Variants in SOX5 observed in about 807,000 individuals in gnomAD.
SOX5 encodes the protein SRY-box transcription factor 5.
A neutral mutation model predicts 92.0 loss-of-function variants in SOX5; 9 were observed. The observed-to-expected ratio is 0.10, with a 90% CI of 0.06 to 0.17. The LOEUF (loss-of-function observed/expected upper bound fraction) is 0.17, where lower values mean the gene tolerates loss of function less well. Ranked by LOEUF, SOX5 falls within the 10% of genes least tolerant of loss-of-function variation. SOX5 has a pLI of 1.00. For missense variants in SOX5, 642 were observed against 944.5 expected, an observed-to-expected ratio of 0.68 and a Z score of 4.20; for synonymous variants, 344 against 336.3, an observed-to-expected ratio of 1.02 and a Z score of -0.25.
intron 2 of SOX5, among the ~76,000 whole-genome samples, chr12:23,887,917 ATGTGTGTGTGTGTGTG>A (rs61356582): frequency 6.9e-6 from 1 of 144,664 alleles, no homozygotes; most frequent in Non-Finnish European, 1.5e-5. Flanking sequence ...CAGTGTGTAT[ATGTGTGTGTGTGTGTG>A]TGTGTGTGTG....
At chr12:24,484,147 T>C (rs974567660) in intron 1 of SOX5, among the ~76,000 whole-genome samples, 3 of 152,212 alleles carry the variant, frequency 2.0e-5, no homozygotes, top group Non-Finnish European at 4.4e-5. Context: ...CTTACCATAG[T>C]ACTCATTTAG....
chr12:23,980,062 C>T (rs1323719851), intron 4 of SOX5, among the ~76,000 whole-genome samples: 3 of 151,812 alleles, frequency 2.0e-5, no homozygotes, highest in South Asian at 2.1e-4. Flanking sequence ...CCTCCTGCCT[C>T]AGCTGGCCTC....
chr12:23,534,614 C>T, intron 14 of SOX5, 92 bp from the exon 15 acceptor site: 2 of 996,606 alleles, frequency 2.0e-6, no homozygotes, highest in South Asian at 1.7e-5. Context: ...CAGCAATGTC[C>T]AATTCTAAGG....
intron 6 of SOX5, among the ~76,000 whole-genome samples, chr12:23,730,291 A>C (rs1307781147): frequency 1.3e-5 from 2 of 152,220 alleles, no homozygotes; most frequent in African/African-American, 4.8e-5. Flanking sequence ...TTCATCTATT[A>C]ATATGCATTA....
chr12:24,243,540 T>C (rs907890597), intron 3 of SOX5, among the ~76,000 whole-genome samples: 3 of 152,150 alleles, frequency 2.0e-5, no homozygotes, highest in Non-Finnish European at 4.4e-5. Context: ...ATTTTAACCT[T>C]GTCCTATTCT....
At chr12:24,515,980 T>C (rs1194631526) in intron 1 of SOX5, among the ~76,000 whole-genome samples, 2 of 152,190 alleles carry the variant, frequency 1.3e-5, no homozygotes, top group East Asian at 1.9e-4. Context: ...CTTTACCTTA[T>C]AATTTGGAAC....
chr12:24,509,770 C>A (rs183224392), intron 1 of SOX5, among the ~76,000 whole-genome samples: 112 of 152,270 alleles, frequency 7.4e-4, no homozygotes, highest in Admixed American at 2.1e-3. Flanking sequence ...TTGGCCCAGC[C>A]AGTAACTAGA....
chr12:23,660,558 T>C (rs866277723), intron 7 of SOX5, among the ~76,000 whole-genome samples: 1 of 152,196 alleles, frequency 6.6e-6, no homozygotes, highest in Non-Finnish European at 1.5e-5. Context: ...TGAAATCATA[T>C]TGACAAAGGA....
chr12:24,183,005 C>T (rs575868492), intron 4 of SOX5, among the ~76,000 whole-genome samples: 23 of 152,270 alleles, frequency 1.5e-4, no homozygotes, highest in African/African-American at 5.1e-4. Context: ...TGAGCCACCA[C>T]GGCTGGCCCA....
intron 1 of SOX5, among the ~76,000 whole-genome samples, chr12:24,475,166 A>G (rs751675782): frequency 1.3e-5 from 2 of 152,088 alleles, no homozygotes; most frequent in Non-Finnish European, 2.9e-5. Flanking sequence ...ATGAACTTAC[A>G]TTGTCATGTG....
At chr12:24,167,959 G>A (rs1208392252) in intron 4 of SOX5, among the ~76,000 whole-genome samples, 4 of 152,174 alleles carry the variant, frequency 2.6e-5, no homozygotes, top group Non-Finnish European at 5.9e-5. Flanking sequence ...GGCCCCCAAA[G>A]GCAAAGCACA....
At chr12:23,641,726 A>C (rs537344579) in intron 7 of SOX5, among the ~76,000 whole-genome samples, 5 of 152,198 alleles carry the variant, frequency 3.3e-5, no homozygotes, top group Admixed American at 6.5e-5. Flanking sequence ...GGCCCAATAA[A>C]TTGCTAAGAA....
chr12:23,894,975 T>C (rs1171135028), intron 2 of SOX5, among the ~76,000 whole-genome samples: 1 of 152,148 alleles, frequency 6.6e-6, no homozygotes, highest in Non-Finnish European at 1.5e-5. Context: ...TTAATGGTGG[T>C]AAGTGCCCCA....
At chr12:24,023,491 T>C (rs555819315) in intron 4 of SOX5, among the ~76,000 whole-genome samples, 1 of 152,156 alleles carries the variant, frequency 6.6e-6, no homozygotes, top group African/African-American at 2.4e-5. Context: ...AAGGAAAATT[T>C]ATCTCAATAC....
At position 24,332,673 on chromosome 12, in the gene SOX5, G is replaced by A. The variant is rs1404531515; in HGVS notation, c.-174+35890C>T. Among the ~76,000 whole-genome samples the A allele has an allele frequency of 5.3e-5, 8 of 152,098 alleles. No individual in the cohort carries two copies. The East Asian group carries it at 5.8e-4, about 11-fold the overall frequency. ...ACAGGGAAGAGGAAATGGTTAGAAC[G>A]ATAATTTTATTGAGAGTTACTAACA... On this transcript the variant is annotated intron_variant, in intron 2 of 4. Transcript: ENST00000446891.
At chr12:24,412,890 G>T (rs1462141235) in intron 1 of SOX5, among the ~76,000 whole-genome samples, 3 of 151,508 alleles carry the variant, frequency 2.0e-5, no homozygotes, top group Non-Finnish European at 4.4e-5. Context: ...CGAGTAGCTG[G>T]GACTACAGGT....
chr12:23,717,995 A>G (rs1310185321), intron 6 of SOX5, among the ~76,000 whole-genome samples: 1 of 152,214 alleles, frequency 6.6e-6, no homozygotes, highest in Non-Finnish European at 1.5e-5. Context: ...GATAGTTATT[A>G]AAGTAAAAAA....
chr12:24,444,750 A>C (rs1245615483), intron 1 of SOX5, among the ~76,000 whole-genome samples: 1 of 152,156 alleles, frequency 6.6e-6, no homozygotes, highest in African/African-American at 2.4e-5. Flanking sequence ...TAGACAGCCC[A>C]CTGTCTCAGT....
chr12:23,663,319 T>C (rs1420386808), intron 7 of SOX5, among the ~76,000 whole-genome samples: 1 of 152,192 alleles, frequency 6.6e-6, no homozygotes, highest in African/African-American at 2.4e-5. Context: ...GTATGAATAT[T>C]AAATGGTTAA....
Sources: gnomAD v4.1 joint callset for allele counts (sites outside exome capture counted in the v4.1 genomes callset) on GRCh38, gnomAD v4.1.1 for gene constraint, MANE v1.5 for transcripts, NCBI Gene and HGNC (gene_info 2026-07-23, HGNC 2026-07-21) for gene names.